Variants in COL24A1 observed in about 807,000 individuals in gnomAD.
COL24A1 encodes collagen type XXIV alpha 1 chain, also known as collagen alpha-1(XXIV) chain.
Under a neutral mutation model 253.9 loss-of-function variants are expected in COL24A1, and 224 were observed. The ratio of observed to expected loss-of-function variants is 0.88; its 90% CI spans 0.79 to 0.99. COL24A1 has a LOEUF of 0.99. Ranked by LOEUF, COL24A1 falls within the 50% of genes least tolerant of loss-of-function variation. The pLI is 0.00. For synonymous variants in COL24A1, 685 were observed against 673.7 expected (o/e 1.02, Z -0.26); for missense variants, 2,131 against 2,068.5 (o/e 1.03, Z -0.59).
chr1:85,792,751 C>T (rs540832713), intron 47 of COL24A1, among the ~76,000 whole-genome samples: 5 of 151,248 alleles, frequency 3.3e-5, no homozygotes, highest in Non-Finnish European at 5.9e-5. Context: ...AAACAAAAAA[C>T]GAAATGTGAT....
intron 24 of COL24A1, among the ~76,000 whole-genome samples, chr1:85,957,646 C>T (rs571041087): frequency 6.6e-6 from 1 of 152,164 alleles, no homozygotes; most frequent in Non-Finnish European, 1.5e-5. Context: ...CCAAATATAT[C>T]CACTTCTCTT....
chr1:85,904,308 T>C (rs1425451550), intron 28 of COL24A1, among the ~76,000 whole-genome samples: 1 of 152,102 alleles, frequency 6.6e-6, no homozygotes, highest in East Asian at 1.9e-4. Flanking sequence ...GAGGTTAACT[T>C]CGCTCTGTGT....
chr1:85,800,630 G>A (rs532647519), intron 47 of COL24A1, among the ~76,000 whole-genome samples: 2 of 152,246 alleles, frequency 1.3e-5, no homozygotes, highest in South Asian at 2.1e-4. Context: ...ACACTACAGC[G>A]TGTACTACAT....
At chr1:85,997,401 G>T (rs1170587844) in intron 19 of COL24A1, among the ~76,000 whole-genome samples, 2 of 151,924 alleles carry the variant, frequency 1.3e-5, no homozygotes, top group Non-Finnish European at 2.9e-5. Flanking sequence ...ATGTACTCTC[G>T]TCCCCATCCC....
intron 12 of COL24A1, among the ~76,000 whole-genome samples, chr1:86,038,442 C>G (rs536143357): frequency 1.3e-5 from 2 of 152,134 alleles, no homozygotes; most frequent in Non-Finnish European, 2.9e-5. Flanking sequence ...CACTTAAAAA[C>G]CTTCATGGCA....
intron 5 of COL24A1, among the ~76,000 whole-genome samples, chr1:86,095,240 AATTG>A (rs1390501585): frequency 6.6e-6 from 1 of 152,090 alleles, no homozygotes; most frequent in African/African-American, 2.4e-5. Flanking sequence ...CCACTTTAAA[AATTG>A]ATAGAGTGGG....
intron 5 of COL24A1, among the ~76,000 whole-genome samples, chr1:86,110,543 G>T (rs1430769915): frequency 2.6e-5 from 4 of 151,950 alleles, no homozygotes; most frequent in Admixed American, 2.0e-4. Context: ...CCCTCTGCTT[G>T]CGGGGAGGTG....
At chr1:85,912,587 C>CTCTATCTATCTA (rs540224345) in intron 24 of COL24A1, among the ~76,000 whole-genome samples, 1 of 152,160 alleles carries the variant, frequency 6.6e-6, no homozygotes, top group African/African-American at 2.4e-5. Context: ...CCTTACAGAT[C>CTCTATCTATCTA]TCTATCTATC....
intron 22 of COL24A1, among the ~76,000 whole-genome samples, chr1:85,969,506 GAGGC>G (rs772413459): frequency 1.5e-4 from 22 of 147,780 alleles, no homozygotes; most frequent in Non-Finnish European, 2.7e-4. Context: ...TCGGGAGGCT[GAGGC>G]AGGAGAATTG....
In COL24A1 at chr1:85,936,021, T is replaced by C. The variant is rs1009973988; in HGVS notation, c.2563-24588A>G. Among the ~76,000 whole-genome samples the C allele has an allele frequency of 8.1e-5, 12 of 147,484 alleles. 1 individual carries two copies. Among genetic ancestry groups the C allele is most frequent in the Non-Finnish European group, 1.5e-4 (10 of 66,670 alleles). On this transcript the variant is annotated intron_variant, in intron 24 of 59. Coordinates refer to ENST00000370571, the MANE Select transcript of COL24A1 (RefSeq NM_152890.7). Reference sequence around the variant, plus strand: ...CTACTCTGATGGTCCAAACATTTGGTTGGTCTCTTCCCTCCTTCTGGGGGA... The same window carrying C: ...CTACTCTGATGGTCCAAACATTTGGCTGGTCTCTTCCCTCCTTCTGGGGGA...
intron 24 of COL24A1, among the ~76,000 whole-genome samples, chr1:85,923,237 C>T (rs1012638071): frequency 6.6e-6 from 1 of 152,132 alleles, no homozygotes; most frequent in Non-Finnish European, 1.5e-5. Context: ...TTTAACACCC[C>T]ATTGTCAATA....
intron 7 of COL24A1, among the ~76,000 whole-genome samples, chr1:86,071,276 A>T (rs963279758): frequency 4.6e-5 from 7 of 152,292 alleles, no homozygotes; most frequent in Middle Eastern, 3.4e-3. Context: ...CAAGAAATCA[A>T]AGCATACTAC....
chr1:86,100,856 CCCCATCCCCAATT>C (rs1339372003), intron 5 of COL24A1, among the ~76,000 whole-genome samples: 1 of 152,132 alleles, frequency 6.6e-6, no homozygotes, highest in Non-Finnish European at 1.5e-5. Context: ...GCTCCACACT[CCCCATCCCCAATT>C]CTTTGCCTTA....
intron 19 of COL24A1, among the ~76,000 whole-genome samples, chr1:86,005,880 G>A (rs1233007475): frequency 1.3e-5 from 2 of 151,990 alleles, no homozygotes; most frequent in African/African-American, 4.8e-5. Context: ...TAGGATACAA[G>A]GTTAATATAC....
intron 5 of COL24A1, among the ~76,000 whole-genome samples, chr1:86,097,169 C>T (rs1703954559): frequency 6.6e-6 from 1 of 152,178 alleles, no homozygotes; most frequent in South Asian, 2.1e-4. Flanking sequence ...CTTGAGCCTA[C>T]ATGTCTCCTT....
chr1:85,881,931 A>T (rs1681892627), intron 32 of COL24A1, among the ~76,000 whole-genome samples: 1 of 152,116 alleles, frequency 6.6e-6, no homozygotes, highest in Admixed American at 6.5e-5. Flanking sequence ...GGAAGCTTAG[A>T]TTACTAATCT....
chr1:85,820,032 G>C (rs1449709885), intron 45 of COL24A1, among the ~76,000 whole-genome samples: 2 of 152,060 alleles, frequency 1.3e-5, no homozygotes, highest in African/African-American at 4.8e-5. Flanking sequence ...ATTTTTAGTA[G>C]AGACGGAGTT....
chr1:85,973,802 A>G (rs892722158), intron 20 of COL24A1, among the ~76,000 whole-genome samples: 2 of 152,180 alleles, frequency 1.3e-5, no homozygotes, highest in Non-Finnish European at 2.9e-5. Flanking sequence ...CTCTTCTTTC[A>G]AAACCAAAAT....
intron 12 of COL24A1, among the ~76,000 whole-genome samples, chr1:86,043,743 G>A (rs957788851): frequency 6.6e-6 from 1 of 152,068 alleles, no homozygotes; most frequent in African/African-American, 2.4e-5. Context: ...GGCCAAGATG[G>A]TCTCGATCTC....
Sources: gnomAD v4.1 joint callset for allele counts (sites outside exome capture counted in the v4.1 genomes callset) on GRCh38, gnomAD v4.1.1 for gene constraint, MANE v1.5 for transcripts, NCBI Gene and HGNC (gene_info 2026-07-23, HGNC 2026-07-21) for gene names.